Variants in PMFBP1 observed in about 807,000 individuals in gnomAD.
PMFBP1 encodes the protein polyamine modulated factor 1 binding protein 1, also known as polyamine-modulated factor 1-binding protein 1.
In PMFBP1, 131 loss-of-function variants were observed where a neutral mutation model predicts 137.8. That is an observed-to-expected ratio of 0.95 (90% CI 0.82 to 1.10). PMFBP1 has a LOEUF of 1.10. Among genes scored for constraint, PMFBP1 ranks in the 50% least tolerant of loss-of-function variants. The pLI is 0.00. For missense variants in PMFBP1, 1,199 were observed against 1,175.4 expected, an observed-to-expected ratio of 1.02 and a Z score of -0.29; for synonymous variants, 490 against 450.4, an observed-to-expected ratio of 1.09 and a Z score of -1.11.
At chr16:72,200,025 G>C in the PMFBP1 span, among the ~76,000 whole-genome samples, 1 of 152,280 alleles carries the variant, frequency 6.6e-6, no homozygotes, top group Non-Finnish European at 1.5e-5. Context: ...TCAGCAGTTT[G>C]AGTGTGACAT....
intron 19 of PMFBP1, among the ~76,000 whole-genome samples, chr16:72,120,536 C>T (rs1407979976): frequency 6.6e-6 from 1 of 152,226 alleles, no homozygotes; most frequent in African/African-American, 2.4e-5. Flanking sequence ...AGCCCGCATT[C>T]TCTCCGCTCC....
chr16:72,130,789 G>C, intron 10 of PMFBP1, 67 bp from the exon 11 acceptor site: 1 of 1,436,908 alleles, frequency 7.0e-7, no homozygotes, highest in Non-Finnish European at 9.2e-7. Flanking sequence ...TTATCAGCCT[G>C]GCTGAAGAGT....
Position 72,162,469 on chromosome 16 carries a change from A to G in PMFBP1, c.165+2295T>C, listed in dbSNP as rs181617825. On this transcript the variant is annotated intron_variant, in intron 3 of 20. Coordinates refer to ENST00000237353, the MANE Select transcript of PMFBP1 (RefSeq NM_031293.3). Reference sequence around the variant, plus strand: ...TGCATAATTGCGGTTGTAAACTATGACCTCCTGCTTGTTTCCCCAGCTCCT... The same window carrying G: ...TGCATAATTGCGGTTGTAAACTATGGCCTCCTGCTTGTTTCCCCAGCTCCT... Among the ~76,000 whole-genome samples, 10 of 152,282 alleles carry G rather than the reference A, an allele frequency of 6.6e-5. No homozygotes were observed. In the East Asian group the frequency reaches 1.9e-3, roughly 29 times the overall value.
At chr16:72,152,237 C>G (rs1275925953) in intron 4 of PMFBP1, among the ~76,000 whole-genome samples, 1 of 152,152 alleles carries the variant, frequency 6.6e-6, no homozygotes, top group Non-Finnish European at 1.5e-5. Flanking sequence ...GGCAGAATGT[C>G]TAAAATAATT....
upstream of PMFBP1, among the ~76,000 whole-genome samples, chr16:72,181,099 C>T (rs1431135566): frequency 1.3e-5 from 2 of 151,826 alleles, no homozygotes; most frequent in Non-Finnish European, 2.9e-5. Context: ...ATTAGCTGGA[C>T]GTGGTGGCGC....
At chr16:72,187,296 T>C in the PMFBP1 span, among the ~76,000 whole-genome samples, 1 of 152,144 alleles carries the variant, frequency 6.6e-6, no homozygotes, top group African/African-American at 2.4e-5. Context: ...GATTATAGAT[T>C]TGGTTACAGT....
At chr16:72,197,462 T>A in the PMFBP1 span, among the ~76,000 whole-genome samples, 1 of 152,214 alleles carries the variant, frequency 6.6e-6, no homozygotes, top group Non-Finnish European at 1.5e-5. Context: ...CACACTTAAA[T>A]AGCAGTCTTC....
At chr16:72,214,716 A>G in the PMFBP1 span, among the ~76,000 whole-genome samples, 1 of 152,212 alleles carries the variant, frequency 6.6e-6, no homozygotes, top group African/African-American at 2.4e-5. Flanking sequence ...CTAGCAAAAT[A>G]GGCTAATTGA....
the PMFBP1 span, among the ~76,000 whole-genome samples, chr16:72,242,469 T>C: frequency 6.6e-6 from 1 of 152,246 alleles, no homozygotes; most frequent in Non-Finnish European, 1.5e-5. Flanking sequence ...ATGGGGATTG[T>C]GCTTGTGAGA....
chr16:72,142,127 C>T (rs1276372716), intron 5 of PMFBP1, among the ~76,000 whole-genome samples: 1 of 151,966 alleles, frequency 6.6e-6, no homozygotes, highest in Non-Finnish European at 1.5e-5. Context: ...GTTCAGTGAG[C>T]ATGAAAGCCT....
intron 5 of PMFBP1, among the ~76,000 whole-genome samples, chr16:72,147,054 C>T (rs2042819040): frequency 6.6e-6 from 1 of 152,112 alleles, no homozygotes; most frequent in Non-Finnish European, 1.5e-5. Context: ...AAAAAAGAGC[C>T]CGCATAGCCA....
intron 9 of PMFBP1, among the ~76,000 whole-genome samples, chr16:72,134,763 C>T (rs1483698239): frequency 6.6e-6 from 1 of 152,236 alleles, no homozygotes. Flanking sequence ...GGCTCCCTCA[C>T]TTCATTCAAA....
At chr16:72,236,380 A>C in the PMFBP1 span, among the ~76,000 whole-genome samples, 752 of 152,338 alleles carry the variant, frequency 4.9e-3, 4 homozygotes, top group Non-Finnish European at 8.2e-3. Flanking sequence ...TGTTCGCTAC[A>C]TTTAACAAGG....
intron 5 of PMFBP1, among the ~76,000 whole-genome samples, chr16:72,142,756 G>A (rs1023815651): frequency 6.6e-6 from 1 of 152,148 alleles, no homozygotes; most frequent in African/African-American, 2.4e-5. Context: ...ATAGTAATGA[G>A]AAACAGCTGG....
At chr16:72,212,306 C>T in the PMFBP1 span, among the ~76,000 whole-genome samples, 4 of 151,954 alleles carry the variant, frequency 2.6e-5, no homozygotes, top group African/African-American at 9.7e-5. Context: ...GAAAATCTCC[C>T]AGAAATTATA....
the PMFBP1 span, among the ~76,000 whole-genome samples, chr16:72,202,141 T>C: frequency 2.0e-5 from 3 of 152,154 alleles, no homozygotes; most frequent in Admixed American, 6.5e-5. Context: ...AATGAATCAG[T>C]GAGTGAATGA....
chr16:72,196,039 G>C, the PMFBP1 span, among the ~76,000 whole-genome samples: 1 of 152,116 alleles, frequency 6.6e-6, no homozygotes, highest in South Asian at 2.1e-4. Flanking sequence ...GTGAAAGAGA[G>C]AGAGAGACAG....
At chr16:72,249,194 C>T in the PMFBP1 span, among the ~76,000 whole-genome samples, 6 of 151,880 alleles carry the variant, frequency 4.0e-5, no homozygotes, top group African/African-American at 1.5e-4. Flanking sequence ...AAAGTAGGTG[C>T]CTCCATTTCA....
chr16:72,190,810 A>C, the PMFBP1 span, among the ~76,000 whole-genome samples: 1 of 152,192 alleles, frequency 6.6e-6, no homozygotes, highest in Non-Finnish European at 1.5e-5. Context: ...GTGAAGCATA[A>C]CATTAACAGG....
Sources: gnomAD v4.1 joint callset for allele counts (sites outside exome capture counted in the v4.1 genomes callset) on GRCh38, gnomAD v4.1.1 for gene constraint, MANE v1.5 for transcripts, NCBI Gene and HGNC (gene_info 2026-07-23, HGNC 2026-07-21) for gene names.